CELF2: variants seen among roughly 807,000 people sequenced by gnomAD.
CELF2 encodes the protein CUGBP Elav-like family member 2, also known as CUG triplet repeat RNA-binding protein 2.
In CELF2, 8 loss-of-function variants were observed where a neutral mutation model predicts 62.6. That is an observed-to-expected ratio of 0.13 (90% confidence interval 0.07 to 0.23). CELF2 has a LOEUF of 0.23. Among genes scored for constraint, CELF2 ranks in the 10% least tolerant of loss-of-function variants. CELF2 has a pLI of 1.00. For missense variants in CELF2, 333 were observed against 671.0 expected, an observed-to-expected ratio of 0.50 and a Z score of 5.56; for synonymous variants, 258 against 250.0, an observed-to-expected ratio of 1.03 and a Z score of -0.30.
the CELF2 span, among the ~76,000 whole-genome samples, chr10:10,585,352 A>C: frequency 6.6e-6 from 1 of 152,180 alleles, no homozygotes; most frequent in African/African-American, 2.4e-5. Flanking sequence ...ATTTGTCAGC[A>C]AACTTGGCTT....
Position 11,113,393 on chromosome 10 carries a change from T to C in CELF2, c.75-52093T>C, listed in dbSNP as rs538397266. ...CATGGGGAATTGGGGGCACCGAATG[T>C]TATAGGAGGCGTTCTCCTCTATGCT... On this transcript the variant is annotated intron_variant, in intron 1 of 12. Coordinates refer to ENST00000633077, the MANE Select transcript of CELF2 (RefSeq NM_001326342.2). Among the ~76,000 whole-genome samples the C allele has an allele frequency of 3.9e-5, 6 of 152,298 alleles. No homozygotes were observed. The East Asian group carries it at 1.2e-3, about 29-fold the overall frequency.
the CELF2 span, among the ~76,000 whole-genome samples, chr10:10,483,915 ATCTC>A: frequency 2.4e-5 from 3 of 126,818 alleles, no homozygotes; most frequent in Non-Finnish European, 5.0e-5. Flanking sequence ...TCTGTGTCTC[ATCTC>A]TCTCTCAACT....
chr10:11,252,455 C>G (rs2077430092), intron 4 of CELF2, among the ~76,000 whole-genome samples: 1 of 152,204 alleles, frequency 6.6e-6, no homozygotes, highest in South Asian at 2.1e-4. Context: ...ATGTGCTGAG[C>G]CAGAAAGAGC....
chr10:10,730,941 A>G, the CELF2 span, among the ~76,000 whole-genome samples: 1 of 152,186 alleles, frequency 6.6e-6, no homozygotes, highest in Admixed American at 6.5e-5. Flanking sequence ...TGAGACAGAA[A>G]TAACCTATTG....
chr10:10,848,995 C>T (rs1221818227), intron 1 of CELF2, among the ~76,000 whole-genome samples: 1 of 152,146 alleles, frequency 6.6e-6, no homozygotes, highest in Non-Finnish European at 1.5e-5. Context: ...CCTGGACTCC[C>T]CCGTCCTTCT....
chr10:10,654,083 C>T, the CELF2 span, among the ~76,000 whole-genome samples: 4 of 147,738 alleles, frequency 2.7e-5, no homozygotes, highest in African/African-American at 1.0e-4. Flanking sequence ...GAGAATACTA[C>T]AAACACCTCT....
chr10:11,066,362 T>G (rs2068170997), intron 1 of CELF2, among the ~76,000 whole-genome samples: 1 of 152,080 alleles, frequency 6.6e-6, no homozygotes, highest in African/African-American at 2.4e-5. Context: ...TGTACGTTGA[T>G]TAACCCTGTG....
chr10:10,571,777 A>G, the CELF2 span, among the ~76,000 whole-genome samples: 2 of 152,340 alleles, frequency 1.3e-5, no homozygotes, highest in South Asian at 2.1e-4. Context: ...ACCGTGGGTC[A>G]TGAGATAAGC....
intron 3 of CELF2, among the ~76,000 whole-genome samples, chr10:11,218,763 G>A (rs978166111): frequency 6.6e-6 from 1 of 152,190 alleles, no homozygotes; most frequent in Non-Finnish European, 1.5e-5. Flanking sequence ...TAGTAAAGCT[G>A]TTTTTATTGA....
the CELF2 span, among the ~76,000 whole-genome samples, chr10:10,584,103 C>G: frequency 6.6e-6 from 1 of 152,032 alleles, no homozygotes; most frequent in Non-Finnish European, 1.5e-5. Context: ...GTTATCACCA[C>G]CTACCTAAAA....
At chr10:11,199,065 T>C (rs2058628215) in intron 2 of CELF2, among the ~76,000 whole-genome samples, 2 of 152,056 alleles carry the variant, frequency 1.3e-5, no homozygotes, top group Non-Finnish European at 2.9e-5. Flanking sequence ...GGAGGAGGGG[T>C]TGGTAGGACC....
chr10:11,284,161 G>A (rs1225747861), intron 8 of CELF2, among the ~76,000 whole-genome samples: 3 of 94,202 alleles, frequency 3.2e-5, no homozygotes, highest in African/African-American at 1.3e-4. Flanking sequence ...TGAGGGATGA[G>A]TGCGTGGTGG....
the CELF2 span, among the ~76,000 whole-genome samples, chr10:10,780,165 A>G: frequency 6.6e-6 from 1 of 152,254 alleles, no homozygotes; most frequent in African/African-American, 2.4e-5. Flanking sequence ...ATTTTCAATC[A>G]TGAACTTGGA....
rs1003857930 is a variant in CELF2, at chr10:11,336,128, G to T, written c.*7075G>T. On this transcript the variant is annotated 3_prime_UTR_variant, in exon 13 of 13. Coordinates refer to ENST00000633077, the MANE Select transcript of CELF2 (RefSeq NM_001326342.2). This position sits in a 1 kb window ranked among gnomAD's most constrained non-coding sequence, Gnocchi z 5.4. Reference sequence around the variant, plus strand: ...GCTGCCCAGCCCACAGCAGTCGCACGCAGCCGATGGGCTCGGACTCTTAGC... The same window carrying T: ...GCTGCCCAGCCCACAGCAGTCGCACTCAGCCGATGGGCTCGGACTCTTAGC... 1 of 152,662 alleles carries T rather than the reference G, an allele frequency of 6.6e-6. No homozygotes were observed. The highest frequency in any genetic ancestry group is 1.5e-5 in the Non-Finnish European group (1 of 68,048). The allele number at this position is 152,662 out of a possible 1,614,324, so 9.5% of individuals were successfully genotyped here. A position where few individuals can be genotyped will look rare whatever the true frequency, so the allele number is the denominator to read the frequency against.
At chr10:11,147,510 A>G (rs1299363540) in intron 1 of CELF2, among the ~76,000 whole-genome samples, 1 of 152,170 alleles carries the variant, frequency 6.6e-6, no homozygotes, top group East Asian at 1.9e-4. Context: ...GAGCTTCTGT[A>G]GTCATTAAAA....
chr10:10,703,051 C>T, the CELF2 span, among the ~76,000 whole-genome samples: 3 of 152,156 alleles, frequency 2.0e-5, no homozygotes, highest in Admixed American at 6.5e-5. Flanking sequence ...TCAGCAATTC[C>T]GCTACCTCCT....
the CELF2 span, among the ~76,000 whole-genome samples, chr10:10,496,083 G>T: frequency 6.6e-6 from 1 of 152,228 alleles, no homozygotes; most frequent in South Asian, 2.1e-4. Flanking sequence ...TATCCCTTTT[G>T]CTCATGTCCC....
the CELF2 span, among the ~76,000 whole-genome samples, chr10:10,680,242 C>G: frequency 2.6e-5 from 4 of 152,076 alleles, no homozygotes; most frequent in Admixed American, 6.6e-5. Flanking sequence ...TCCCCAAGAC[C>G]ACCCCCACTT....
chr10:11,219,730 G>T (rs2064275726), intron 3 of CELF2, among the ~76,000 whole-genome samples: 1 of 152,218 alleles, frequency 6.6e-6, no homozygotes. Context: ...TTAGCTGTGT[G>T]AGTCTTTGGT....
Sources: allele counts gnomAD v4.1 joint callset (sites outside exome capture counted in the v4.1 genomes callset), GRCh38; gene constraint gnomAD v4.1.1; non-coding constraint Gnocchi (gnomAD v3.1); transcripts MANE v1.5; gene names NCBI Gene and HGNC (gene_info 2026-07-23, HGNC 2026-07-21).